ZC3H10: variants seen among roughly 807,000 people sequenced by gnomAD.
ZC3H10 encodes zinc finger CCCH-type containing 10.
In ZC3H10, 12 loss-of-function variants were observed where a neutral mutation model predicts 24.3. The ratio of observed to expected loss-of-function variants is 0.49; its 90% CI spans 0.32 to 0.80. ZC3H10 has a LOEUF of 0.80. Among genes scored for constraint, ZC3H10 ranks in the 30% least tolerant of loss-of-function variants. ZC3H10 has a pLI of 0.04. For missense variants in ZC3H10, 360 were observed against 576.3 expected (o/e 0.62, Z 3.84); for synonymous variants, 226 against 217.0 (o/e 1.04, Z -0.36).
In ZC3H10 at chr12:56,120,903, G is replaced by A. The variant is rs760083256; in HGVS notation, c.341G>A (p.Arg114Gln). 2.3e-5 allele frequency: 37 copies of A among 1,614,076 alleles called. No homozygotes were observed. The highest frequency in any genetic ancestry group is 1.3e-4 in the East Asian group (6 of 44,898). Residue 114 changes from arginine to glutamine, a missense_variant, in exon 3 of 3, where the codon CGG (arginine) becomes CAG (glutamine). This residue lies in a region of ZC3H10 where 126 missense variants were observed against 208.8 expected (regional missense o/e 0.60). Transcript: ENST00000257940. Reference sequence around the variant, plus strand: ...AAGAAGACAGGAGAGCTTCCCCCACGGCTGAGGCAGAAAGTAGCAGCTGGC... The same window carrying A: ...AAGAAGACAGGAGAGCTTCCCCCACAGCTGAGGCAGAAAGTAGCAGCTGGC... Reference protein sequence around the residue: ...GYKKTGELPPRLRQKVAAGLG... With the variant: ...GYKKTGELPPQLRQKVAAGLG...
rs1321348387 is a variant in ZC3H10 at position 56,119,228 on chromosome 12, G to A, written c.-53+77G>A. 11 of 152,644 alleles carry A rather than the reference G, an allele frequency of 7.2e-5. 1 individual carries two copies. Among genetic ancestry groups the A allele is most frequent in the Admixed American group, 6.5e-4 (10 of 15,282 alleles). The allele number at this position is 152,644 out of a possible 1,614,324, so 9.5% of individuals were successfully genotyped here. On this transcript the variant is annotated intron_variant, in intron 2 of 2. Transcript: ENST00000257940. ...GCTGCTGGTGCGACTTGCAACGTGA[G>A]CCAGGCTTGGATAGATGGCATTTGT...
intron 2 of ZC3H10, chr12:56,119,353 G>A (rs1337245945): frequency 6.6e-6 from 1 of 152,184 alleles, no homozygotes; most frequent in Non-Finnish European, 1.5e-5. Flanking sequence ...CTCTTTAGAG[G>A]AGGAGGACCC....
At chr12:56,119,014 C>A (rs1430151340) in intron 1 of ZC3H10, 74 bp from the exon 2 acceptor site, 4 of 152,710 alleles carry the variant, frequency 2.6e-5, no homozygotes, top group Admixed American at 1.3e-4. Flanking sequence ...TGTCAGATTT[C>A]TTGTGACAAC....
chr12:56,121,796 C>T lies in ZC3H10; in HGVS notation c.1234C>T (p.His412Tyr). 1 of 1,614,176 alleles carries T rather than the reference C, an allele frequency of 6.2e-7. No individual in the cohort carries two copies. Among genetic ancestry groups the T allele is most frequent in the Non-Finnish European group, 8.5e-7 (1 of 1,180,030 alleles). ...AQPLAGITMS[H>Y]TTTPMVTYPI... is the part of the protein sequence containing the mutation. ...ACCCTTGGCAGGAATCACAATGAGC[C>T]ACACCACCACTCCCATGGTGACTTA... Residue 412 changes from histidine (H) to tyrosine (Y), a missense_variant, in exon 3 of 3, where the codon CAC becomes TAC. Transcript: ENST00000257940. This position sits in a 1 kb window ranked among gnomAD's most constrained non-coding sequence, Gnocchi z 6.2.
In ZC3H10 at chr12:56,121,567, T is replaced by C; in HGVS notation, c.1005T>C (p.Ala335=). ...PVSQQELVAP[A]GAPAAPPTNA... Reference sequence around the variant, plus strand: ...CCCAGCAAGAACTGGTGGCCCCTGCTGGAGCTCCAGCTGCTCCCCCAACTA... The same window carrying C: ...CCCAGCAAGAACTGGTGGCCCCTGCCGGAGCTCCAGCTGCTCCCCCAACTA... The change falls in exon 3 of 3, where the codon GCT becomes GCC. Residue 335 remains alanine, a synonymous_variant. Transcript: ENST00000257940. The surrounding 1 kb of genome is among the most constrained non-coding windows in gnomAD (Gnocchi z 6.2). The C allele has an allele frequency of 1.2e-6, 2 of 1,614,060 alleles. No homozygotes were observed. Among genetic ancestry groups the C allele is most frequent in the Non-Finnish European group, 1.7e-6 (2 of 1,179,970 alleles).
Position 56,120,940 on chromosome 12 carries a change from A to C in ZC3H10, c.378A>C (p.Ser126=). 1 of 1,614,138 alleles carries C rather than the reference A, an allele frequency of 6.2e-7. No homozygotes were observed. Among genetic ancestry groups the C allele is most frequent in the Non-Finnish European group, 8.5e-7 (1 of 1,180,012 alleles). Residue 126 remains serine (S), a synonymous_variant, in exon 3 of 3, where the codon TCA becomes TCC. Transcript: ENST00000257940. ...RQKVAAGLGL[S]PADLPNGKEE... is the part of the protein sequence containing the mutation. Reference sequence around the variant, plus strand: ...AAGTAGCAGCTGGCCTTGGCCTTTCACCGGCTGACCTACCAAATGGCAAGG... The same window carrying C: ...AAGTAGCAGCTGGCCTTGGCCTTTCCCCGGCTGACCTACCAAATGGCAAGG...
At chr12:56,120,311 G>A (rs1869770661) in intron 2 of ZC3H10, 200 bp from the exon 3 acceptor site, 1 of 985,370 alleles carries the variant, frequency 1.0e-6, no homozygotes, top group Admixed American at 6.1e-5. Flanking sequence ...AGCCAGGCAA[G>A]TGTGAATCAT....
At position 56,121,718 on chromosome 12, in the gene ZC3H10, C is replaced by T; in HGVS notation, c.1156C>T (p.Pro386Ser). 6.2e-7 allele frequency: 1 copy of T among 1,614,146 alleles called. No individual in the cohort carries two copies. The highest frequency in any genetic ancestry group is 8.5e-7 in the Non-Finnish European group (1 of 1,180,022). Reference protein sequence around the residue: ...GMAPPPVSMAPVAVSVAPVAP... With the variant: ...GMAPPPVSMASVAVSVAPVAP... ...GGCACCTCCACCTGTCTCCATGGCT[C>T]CTGTGGCTGTATCTGTGGCTCCTGT... Residue 386 changes from proline (P) to serine (S), a missense_variant, in exon 3 of 3, where the codon CCT becomes TCT. Around this residue, in one of 3 missense-constraint regions of ZC3H10, gnomAD observed 133 missense variants for 256.7 expected, o/e 0.52. Coordinates refer to ENST00000257940, the MANE Select transcript of ZC3H10 (RefSeq NM_032786.3). The surrounding 1 kb of genome is among the most constrained non-coding windows in gnomAD (Gnocchi z 6.2).
Position 56,122,024 on chromosome 12 carries a change from G to A in ZC3H10, c.*157G>A. 1.1e-6 allele frequency: 1 copy of A among 931,098 alleles called. No homozygotes were observed. The highest frequency in any genetic ancestry group is 1.6e-6 in the Non-Finnish European group (1 of 635,162). The allele number at this position is 931,098 out of a possible 1,614,324, so 57.7% of individuals were successfully genotyped here. On this transcript the variant is annotated 3_prime_UTR_variant, in exon 3 of 3. Transcript: ENST00000257940. Reference sequence around the variant, plus strand: ...TATGTCCTGAGGAGGGGTTGGGATGGTGTGTTTTCTCTCACCTCCCTTTTA... The same window carrying A: ...TATGTCCTGAGGAGGGGTTGGGATGATGTGTTTTCTCTCACCTCCCTTTTA...
rs989098987 is a variant in ZC3H10 at position 56,124,930 on chromosome 12, T to C, written c.*3063T>C. ...CCCTCAAGATGTCCATTTATAAATA[T>C]TTATTAAGAGCCTGCTATGTTCTAG... is the stretch of plus-strand genomic sequence containing the variant. On this transcript the variant is annotated 3_prime_UTR_variant, in exon 3 of 3. Transcript: ENST00000257940. The C allele has an allele frequency of 3.3e-5, 5 of 152,152 alleles. No individual in the cohort carries two copies. The highest frequency in any genetic ancestry group is 9.7e-5 in the African/African-American group (4 of 41,422). 9.4% of individuals were successfully genotyped at this position (152,152 alleles called of 1,614,324 possible).
chr12:56,121,154 A>G lies in ZC3H10; in HGVS notation c.592A>G (p.Arg198Gly), dbSNP rs894927183. Residue 198 changes from arginine to glycine, a missense_variant, in exon 3 of 3, where the codon AGG becomes GGG. Transcript: ENST00000257940. This position sits in a 1 kb window ranked among gnomAD's most constrained non-coding sequence, Gnocchi z 6.2. ...CTATGATATCTATGACCTTCCTGACAGGGGCTTTGAGGACCATGAGCCAGG... is the reference window on the plus strand; with the variant it reads ...CTATGATATCTATGACCTTCCTGACGGGGGCTTTGAGGACCATGAGCCAGG... The part of the protein sequence containing the change: ...DLYDIYDLPD[R>G]GFEDHEPGPK... The G allele has an allele frequency of 1.7e-5, 28 of 1,614,058 alleles. No individual in the cohort carries two copies. Among genetic ancestry groups the G allele is most frequent in the Non-Finnish European group, 1.9e-5 (23 of 1,180,026 alleles).
chr12:56,120,344 A>G, intron 2 of ZC3H10, 167 bp from the exon 3 acceptor site: 1 of 985,472 alleles, frequency 1.0e-6, no homozygotes. Flanking sequence ...CAGGTGCACA[A>G]AACCCTGGGA....
rs1869956176 is a variant in ZC3H10 at position 56,125,182 on chromosome 12, G to A, written c.*3315G>A. On this transcript the variant is annotated 3_prime_UTR_variant, in exon 3 of 3. Coordinates refer to ENST00000257940, the MANE Select transcript of ZC3H10 (RefSeq NM_032786.3). Reference sequence around the variant, plus strand: ...TTTGAAGGGCTGCCCAGTGGAGGAAGATCCTGTTTGCTACACAGGAAGTAA... The same window carrying A: ...TTTGAAGGGCTGCCCAGTGGAGGAAAATCCTGTTTGCTACACAGGAAGTAA... The A allele has an allele frequency of 6.6e-6, 1 of 151,036 alleles. No individual in the cohort carries two copies. Among genetic ancestry groups the A allele is most frequent in the Non-Finnish European group, 1.5e-5 (1 of 67,816 alleles). 9.4% of individuals were successfully genotyped at this position (151,036 alleles called of 1,614,324 possible). A position where few individuals can be genotyped will look rare whatever the true frequency, so the allele number is the denominator to read the frequency against.
Position 56,118,781 on chromosome 12 carries a change from C to T in ZC3H10, c.-116-307C>T, listed in dbSNP as rs151174745. On this transcript the variant is annotated intron_variant, in intron 1 of 2. Transcript: ENST00000257940. Reference sequence around the variant, plus strand: ...TGCCTTTTTGAGGTTCCTCACTAGCCATTACTAACTCCAGCCCTTGGCGGT... The same window carrying T: ...TGCCTTTTTGAGGTTCCTCACTAGCTATTACTAACTCCAGCCCTTGGCGGT... 1.1e-4 allele frequency: 17 copies of T among 152,344 alleles called. No individual in the cohort carries two copies. In the East Asian group the frequency reaches 3.1e-3, roughly 28 times the overall value. 9.4% of individuals were successfully genotyped at this position (152,344 alleles called of 1,614,324 possible). A position where few individuals can be genotyped will look rare whatever the true frequency, so the allele number is the denominator to read the frequency against.
chr12:56,124,751 CTTGAA>C lies in ZC3H10; in HGVS notation c.*2889_*2893del, dbSNP rs1180274831. 1 of 152,172 alleles carries C rather than the reference CTTGAA, an allele frequency of 6.6e-6. No individual in the cohort carries two copies. Among genetic ancestry groups the C allele is most frequent in the South Asian group, 2.1e-4 (1 of 4,830 alleles). The allele number at this position is 152,172 out of a possible 1,614,324, so 9.4% of individuals were successfully genotyped here. The stretch of plus-strand genomic sequence containing the variant: ...TAAATAATATTCAAAGTGTCTGTAA[CTTGAA>C]TTGACTAAAACACTGGAGCACTCTC... On this transcript the variant is annotated 3_prime_UTR_variant, in exon 3 of 3. Transcript: ENST00000257940.
Position 56,122,078 on chromosome 12 carries a change from T to C in ZC3H10, c.*211T>C, listed in dbSNP as rs576345244. ...GGGTCCTCTTGTCCATCTTCAAGCC[T>C]CACAGTGGGGGCTTGCAGAGGAGTG... On this transcript the variant is annotated 3_prime_UTR_variant, in exon 3 of 3. Coordinates refer to ENST00000257940, the MANE Select transcript of ZC3H10 (RefSeq NM_032786.3). 2.7e-5 allele frequency: 17 copies of C among 622,424 alleles called. No individual in the cohort carries two copies. The highest frequency in any genetic ancestry group is 4.7e-5 in the Non-Finnish European group (17 of 358,580). 38.6% of individuals were successfully genotyped at this position (622,424 alleles called of 1,614,324 possible). A position where few individuals can be genotyped will look rare whatever the true frequency, so the allele number is the denominator to read the frequency against.
chr12:56,121,739 C>T lies in ZC3H10; in HGVS notation c.1177C>T (p.Pro393Ser), dbSNP rs774366225. The change falls in exon 3 of 3, where the codon CCT becomes TCT. Residue 393 changes from proline (P) to serine (S), a missense_variant. Around this residue, in one of 3 missense-constraint regions of ZC3H10, gnomAD observed 133 missense variants for 256.7 expected, o/e 0.52. Coordinates refer to ENST00000257940, the MANE Select transcript of ZC3H10 (RefSeq NM_032786.3). The surrounding 1 kb of genome is among the most constrained non-coding windows in gnomAD (Gnocchi z 6.2). ...SMAPVAVSVA[P>S]VAPVAVSMAQ... ...GGCTCCTGTGGCTGTATCTGTGGCT[C>T]CTGTGGCCCCTGTGGCTGTATCGAT... is the stretch of plus-strand genomic sequence containing the variant. The T allele has an allele frequency of 1.6e-5, 26 of 1,613,982 alleles. No individual in the cohort carries two copies. The highest frequency in any genetic ancestry group is 4.0e-5 in the African/African-American group (3 of 74,906).
At position 56,121,212 on chromosome 12, in the gene ZC3H10, CT is replaced by C. The variant is rs1869813272; in HGVS notation, c.651del (p.Asp218MetfsTer23). The C allele has an allele frequency of 3.7e-6, 6 of 1,613,814 alleles. No homozygotes were observed. The highest frequency in any genetic ancestry group is 1.7e-5 in the Admixed American group (1 of 60,014). ...PKRRRGGCCPPDGPHFESYEY... is the reference protein window; with the variant it reads ...PKRRRGGCCPXDGPHFESYEY... ...CGCCGGCGAGGTGGATGCTGCCCCC[CT>C]GATGGCCCTCATTTTGAGTCATATG... On this transcript the variant is annotated frameshift_variant, in exon 3 of 3. Transcript: ENST00000257940. LOFTEE classifies it high-confidence loss of function. The surrounding 1 kb of genome is among the most constrained non-coding windows in gnomAD (Gnocchi z 6.2).
In ZC3H10 at chr12:56,123,385, A is replaced by G. The variant is rs534703417; in HGVS notation, c.*1518A>G. On this transcript the variant is annotated 3_prime_UTR_variant, in exon 3 of 3. Coordinates refer to ENST00000257940, the MANE Select transcript of ZC3H10 (RefSeq NM_032786.3). ...GTGGGCTAACATTGTGGATTTTAGA[A>G]ACAACACATTGATAAGCTTAATGTT... 1 of 152,016 alleles carries G rather than the reference A, an allele frequency of 6.6e-6. No homozygotes were observed. Among genetic ancestry groups the G allele is most frequent in the South Asian group, 2.1e-4 (1 of 4,818 alleles). 9.4% of individuals were successfully genotyped at this position (152,016 alleles called of 1,614,324 possible).
Sources: gnomAD v4.1 joint callset for allele counts on GRCh38, gnomAD v4.1.1 for gene constraint, gnomAD v4.1.1 regional missense constraint, Gnocchi (gnomAD v3.1) non-coding constraint, MANE v1.5 for transcripts, NCBI Gene and HGNC (gene_info 2026-07-23, HGNC 2026-07-21) for gene names.